The following DYNC2H1 variants were observed in gnomAD, a reference collection of about 807,000 sequenced individuals.
The protein encoded by DYNC2H1 is dynein cytoplasmic 2 heavy chain 1.
A neutral mutation model predicts 570.0 loss-of-function variants in DYNC2H1; 410 were observed. That is an observed-to-expected ratio of 0.72 (90% confidence interval 0.66 to 0.78). The LOEUF (loss-of-function observed/expected upper bound fraction) is 0.78, where lower values mean the gene tolerates loss of function less well. Among genes scored for constraint, DYNC2H1 ranks in the 30% least tolerant of loss-of-function variants. DYNC2H1 has a pLI of 0.00. For synonymous variants in DYNC2H1, 1,688 were observed against 1,677.6 expected, an observed-to-expected ratio of 1.01 and a Z score of -0.15; for missense variants, 4,865 against 5,046.4, an observed-to-expected ratio of 0.96 and a Z score of 1.09.
intron 17 of DYNC2H1, among the ~76,000 whole-genome samples, chr11:103,142,160 G>A (rs562769326): frequency 1.1e-4 from 16 of 152,284 alleles, no homozygotes; most frequent in South Asian, 1.0e-3. Flanking sequence ...CTTGCACTTC[G>A]CGAGTGAGGC....
rs1266929399 is a variant in DYNC2H1 at position 103,243,005 on chromosome 11, C to CT, written c.9820-680dup. The stretch of plus-strand genomic sequence containing the variant: ...AAGCCACCACACCGGGCCTGACTTC[C>CT]TTTTTTTTAGAATTTAATTAGTGCA... On this transcript the variant is annotated intron_variant, in intron 63 of 88. Coordinates refer to ENST00000375735, the MANE Select transcript of DYNC2H1 (RefSeq NM_001377.3). The surrounding 1 kb of genome is among the most constrained non-coding windows in gnomAD (Gnocchi z 4.8). Among the ~76,000 whole-genome samples the CT allele has an allele frequency of 4.0e-5, 6 of 151,700 alleles. No homozygotes were observed. The highest frequency in any genetic ancestry group is 7.3e-5 in the African/African-American group (3 of 41,272).
In DYNC2H1 at chr11:103,231,041, G is replaced by T. The variant is rs542200677; in HGVS notation, c.9354-219G>T. 8.3e-4 allele frequency among the ~76,000 whole-genome samples: 126 copies of T among 152,258 alleles called. 1 individual carries two copies. The highest frequency in any genetic ancestry group is 2.8e-3 in the African/African-American group (115 of 41,572). On this transcript the variant is annotated intron_variant, in intron 59 of 88. Coordinates refer to ENST00000375735, the MANE Select transcript of DYNC2H1 (RefSeq NM_001377.3). ...TTTATCCAGAAATTTACACGTATGA[G>T]TGTTTTTAAATATAAATTCCTAGAA... is the stretch of plus-strand genomic sequence containing the variant.
chr11:103,161,394 T>C (rs1861087978), intron 29 of DYNC2H1, among the ~76,000 whole-genome samples: 1 of 152,118 alleles, frequency 6.6e-6, no homozygotes, highest in African/African-American at 2.4e-5. Flanking sequence ...GTGGAGTATG[T>C]CTTATCCAAA....
chr11:103,199,809 A>G lies in DYNC2H1; in HGVS notation c.8089-237A>G, dbSNP rs1196727092. Among the ~76,000 whole-genome samples, 8 of 152,212 alleles carry G rather than the reference A, an allele frequency of 5.3e-5. No homozygotes were observed. The highest frequency in any genetic ancestry group is 5.2e-4 in the Admixed American group (8 of 15,262). ...AGGAAATATATGAGTAGAGATAAAA[A>G]TGATCTACTTGTTTTAATTTTAATG... On this transcript the variant is annotated intron_variant, in intron 49 of 88. Transcript: ENST00000375735. The surrounding 1 kb of genome is among the most constrained non-coding windows in gnomAD (Gnocchi z 4.6).
At position 103,115,174 on chromosome 11, in the gene DYNC2H1, T is replaced by C. The variant is rs368561058; in HGVS notation, c.503-3T>C. ...CATTTTTTTCCCCTCTTGACTTTTA[T>C]AGGTATCCTTACACCAAGCGATGAG... On this transcript the variant is annotated splice_region_variant and splice_polypyrimidine_tract_variant and intron_variant, in intron 3 of 88. Transcript: ENST00000375735. 2.5e-5 allele frequency: 40 copies of C among 1,602,340 alleles called. No homozygotes were observed. The highest frequency in any genetic ancestry group is 3.2e-5 in the Non-Finnish European group (38 of 1,173,426).
At chr11:103,297,522 CTT>C (rs1866884547) in intron 75 of DYNC2H1, among the ~76,000 whole-genome samples, 1 of 152,092 alleles carries the variant, frequency 6.6e-6, no homozygotes, top group African/African-American at 2.4e-5. Context: ...TGTAGTATAA[CTT>C]ATTGCTCTTA....
At chr11:103,200,299 G>A (rs1862667300) in intron 50 of DYNC2H1, 145 bp downstream of exon 50, 1 of 580,838 alleles carries the variant, frequency 1.7e-6, no homozygotes, top group South Asian at 2.4e-5. Flanking sequence ...ACATGCTCAT[G>A]GCAGGAGAAT....
In DYNC2H1 at chr11:103,148,539, A is replaced by G; in HGVS notation, c.2868A>G (p.Leu956=). The G allele has an allele frequency of 6.4e-7, 1 of 1,566,328 alleles. No individual in the cohort carries two copies. The highest frequency in any genetic ancestry group is 8.7e-7 in the Non-Finnish European group (1 of 1,153,900). The change falls in exon 20 of 89, where the codon TTA becomes TTG. Residue 956 remains leucine, a synonymous_variant. Transcript: ENST00000375735. ...TTGTTACTGAGGCTATGGAAGTCTT[A>G]ACAATTATGCCCCAGTCTGTGGAAG... ...DTFVTEAMEV[L]TIMPQSVEEI... is the part of the protein sequence containing the mutation.
intron 78 of DYNC2H1, among the ~76,000 whole-genome samples, chr11:103,308,716 G>T (rs1211080002): frequency 6.6e-6 from 1 of 152,076 alleles, no homozygotes; most frequent in Non-Finnish European, 1.5e-5. Context: ...TCTGTTTGTG[G>T]TTTTGATTTG....
At chr11:103,134,472 T>G in intron 15 of DYNC2H1, 53 bp downstream of exon 15, 1 of 1,427,094 alleles carries the variant, frequency 7.0e-7, no homozygotes, top group Non-Finnish European at 9.6e-7. Context: ...CTTTTCAGAA[T>G]GTAAGTACAA....
At chr11:103,206,526 A>G (rs917400409) in intron 52 of DYNC2H1, among the ~76,000 whole-genome samples, 6 of 152,194 alleles carry the variant, frequency 3.9e-5, no homozygotes, top group Non-Finnish European at 8.8e-5. Context: ...GCAGCAATCC[A>G]AGACTGAACC....
chr11:103,190,276 A>G (rs185584107), intron 45 of DYNC2H1, among the ~76,000 whole-genome samples: 1 of 152,208 alleles, frequency 6.6e-6, no homozygotes, highest in African/African-American at 2.4e-5. Flanking sequence ...GAGGATACAC[A>G]AAACATTTGT....
In DYNC2H1 at chr11:103,174,703, C is replaced by T. The variant is rs567345784; in HGVS notation, c.5674+533C>T. On this transcript the variant is annotated intron_variant, in intron 36 of 88. Coordinates refer to ENST00000375735, the MANE Select transcript of DYNC2H1 (RefSeq NM_001377.3). The stretch of plus-strand genomic sequence containing the variant: ...GGTTATAAATGTTTGGAAAGAATAC[C>T]GCAGAGGTGGAGTGTCTTTCTTACT... Among the ~76,000 whole-genome samples, 25 of 152,136 alleles carry T rather than the reference C, an allele frequency of 1.6e-4. No individual in the cohort carries two copies. In the Middle Eastern group the frequency reaches 0.017, roughly 103 times the overall value.
intron 46 of DYNC2H1, among the ~76,000 whole-genome samples, chr11:103,191,846 A>G (rs956232452): frequency 6.6e-6 from 1 of 152,056 alleles, no homozygotes; most frequent in Non-Finnish European, 1.5e-5. Context: ...GAGGCAAAGC[A>G]TATTTAGTAT....
In DYNC2H1 at chr11:103,289,335, A is replaced by C. The variant is rs1379004288; in HGVS notation, c.11095+1730A>C. 6.6e-6 allele frequency among the ~76,000 whole-genome samples: 1 copy of C among 152,182 alleles called. No individual in the cohort carries two copies. Among genetic ancestry groups the C allele is most frequent in the Non-Finnish European group, 1.5e-5 (1 of 68,030 alleles). ...AATGGGCAAGGTGAACCCATTGGGC[A>C]CTAAAAAACCATAAGCTAAATTCCT... On this transcript the variant is annotated intron_variant, in intron 75 of 88. Transcript: ENST00000375735. The surrounding 1 kb of genome is among the most constrained non-coding windows in gnomAD (Gnocchi z 4.2).
At chr11:103,396,270 G>T (rs1232118989) in intron 83 of DYNC2H1, among the ~76,000 whole-genome samples, 1 of 152,126 alleles carries the variant, frequency 6.6e-6, no homozygotes, top group Non-Finnish European at 1.5e-5. Flanking sequence ...TAGTTGAGAG[G>T]TTGGCAAACT....
intron 82 of DYNC2H1, among the ~76,000 whole-genome samples, chr11:103,331,265 C>G (rs1938773335): frequency 6.6e-6 from 1 of 152,190 alleles, no homozygotes; most frequent in Non-Finnish European, 1.5e-5. Flanking sequence ...GTGAGGGCAA[C>G]TGATATAGGT....
intron 85 of DYNC2H1, among the ~76,000 whole-genome samples, chr11:103,441,579 T>C (rs1944269859): frequency 6.6e-6 from 1 of 152,138 alleles, no homozygotes; most frequent in Admixed American, 6.6e-5. Flanking sequence ...TCAGTAAATA[T>C]TTGTTGAATA....
chr11:103,391,662 C>T (rs1302162317), intron 83 of DYNC2H1, among the ~76,000 whole-genome samples: 2 of 152,218 alleles, frequency 1.3e-5, no homozygotes, highest in Non-Finnish European at 2.9e-5. Context: ...TGGTGATGTA[C>T]AGATGGGGTT....
Sources: allele counts gnomAD v4.1 joint callset (sites outside exome capture counted in the v4.1 genomes callset), GRCh38; gene constraint gnomAD v4.1.1; non-coding constraint Gnocchi (gnomAD v3.1); transcripts MANE v1.5; gene names NCBI Gene and HGNC (gene_info 2026-07-23, HGNC 2026-07-21).